SIPA1L3: variants seen among roughly 807,000 people sequenced by gnomAD.
SIPA1L3 encodes the protein signal induced proliferation associated 1 like 3.
SIPA1L3 carries 59 observed loss-of-function variants against 150.1 expected under a neutral mutation model. The observed-to-expected ratio is 0.39, with a 90% CI of 0.32 to 0.49. The LOEUF (loss-of-function observed/expected upper bound fraction) is 0.49, where lower values mean the gene tolerates loss of function less well. Among genes scored for constraint, SIPA1L3 ranks in the 20% least tolerant of loss-of-function variants. The pLI, the probability that SIPA1L3 is intolerant of heterozygous loss-of-function variation, is 0.86. For missense variants in SIPA1L3, 2,211 were observed against 2,489.5 expected (o/e 0.89, Z 2.38); for synonymous variants, 1,070 against 1,077.6 (o/e 0.99, Z 0.14).
chr19:38,098,642 G>A lies in SIPA1L3; in HGVS notation c.1666-1320G>A, dbSNP rs144566059. Among the ~76,000 whole-genome samples, 422 of 152,078 alleles carry A rather than the reference G, an allele frequency of 2.8e-3. 2 individuals carry two copies. The highest frequency in any genetic ancestry group is 9.7e-3 in the African/African-American group (404 of 41,486). ...ACTCCTGACCTCAAGTGGTCCGCCC[G>A]CCTCGGCCTCCCAAAGGGGGCTTTC... On this transcript the variant is annotated intron_variant, in intron 4 of 21. Transcript: ENST00000222345.
At chr19:38,185,342 T>G (rs574005719) in intron 16 of SIPA1L3, 1 of 152,224 alleles carries the variant, frequency 6.6e-6, no homozygotes, top group Non-Finnish European at 1.5e-5. Flanking sequence ...GTAGATACTA[T>G]AAGGCCCCCA....
intron 7 of SIPA1L3, among the ~76,000 whole-genome samples, chr19:38,109,102 CAGG>C (rs879304010): frequency 1.1e-4 from 16 of 152,162 alleles, no homozygotes; most frequent in Non-Finnish European, 1.8e-4. Context: ...GACTGACCAG[CAGG>C]GGAGAGGTGT....
At chr19:38,094,480 A>G (rs1970332785) in intron 4 of SIPA1L3, among the ~76,000 whole-genome samples, 1 of 152,122 alleles carries the variant, frequency 6.6e-6, no homozygotes, top group African/African-American at 2.4e-5. Context: ...TGAACTCCTG[A>G]GCTCAGGTGA....
chr19:38,019,165 C>T (rs1195806121), intron 1 of SIPA1L3, among the ~76,000 whole-genome samples: 1 of 152,302 alleles, frequency 6.6e-6, no homozygotes, highest in African/African-American at 2.4e-5. Context: ...GTAACAGACA[C>T]CAGAAATAAC....
chr19:38,115,555 G>C (rs988715565), intron 8 of SIPA1L3, among the ~76,000 whole-genome samples: 3 of 152,172 alleles, frequency 2.0e-5, no homozygotes, highest in African/African-American at 4.8e-5. Flanking sequence ...CCAGGGCCCC[G>C]TGTGGCCTTG....
At chr19:37,938,582 G>T (rs1167148443) in intron 1 of SIPA1L3, among the ~76,000 whole-genome samples, 1 of 150,466 alleles carries the variant, frequency 6.6e-6, no homozygotes, top group South Asian at 2.1e-4. Flanking sequence ...TCTGGATATT[G>T]CTTGCTCATC....
chr19:38,037,677 C>T (rs533192455), intron 2 of SIPA1L3, among the ~76,000 whole-genome samples: 10 of 152,176 alleles, frequency 6.6e-5, no homozygotes, highest in South Asian at 4.1e-4. Context: ...ATTCGAGGAG[C>T]GGGACACAGG....
intron 4 of SIPA1L3, among the ~76,000 whole-genome samples, chr19:38,094,499 C>A: frequency 6.6e-6 from 1 of 152,148 alleles, no homozygotes; most frequent in East Asian, 1.9e-4. Context: ...GACCCTCCTC[C>A]TTTGGCTTCC....
intron 1 of SIPA1L3, among the ~76,000 whole-genome samples, chr19:37,993,680 C>T (rs940634572): frequency 2.0e-5 from 3 of 152,222 alleles, no homozygotes; most frequent in Admixed American, 6.5e-5. Context: ...AGCTAGCATT[C>T]GAGCCTTTGT....
At chr19:38,002,415 A>T (rs1457194829) in intron 1 of SIPA1L3, among the ~76,000 whole-genome samples, 1 of 152,110 alleles carries the variant, frequency 6.6e-6, no homozygotes, top group Non-Finnish European at 1.5e-5. Context: ...TTCATATTTA[A>T]GGCTAAATAA....
At chr19:37,986,358 A>T (rs934877108) in intron 1 of SIPA1L3, among the ~76,000 whole-genome samples, 2 of 152,228 alleles carry the variant, frequency 1.3e-5, no homozygotes, top group African/African-American at 4.8e-5. Context: ...TCGAGGTGAG[A>T]TGGCTTTCTC....
At chr19:38,055,522 C>T (rs960033790) in intron 2 of SIPA1L3, among the ~76,000 whole-genome samples, 1 of 152,258 alleles carries the variant, frequency 6.6e-6, no homozygotes, top group African/African-American at 2.4e-5. Flanking sequence ...TTCCCTCACA[C>T]TGGCCATAAT....
chr19:38,106,048 AT>A (rs2145869032), intron 6 of SIPA1L3, among the ~76,000 whole-genome samples: 1 of 152,038 alleles, frequency 6.6e-6, no homozygotes, highest in South Asian at 2.1e-4. Flanking sequence ...AGACTTTTTA[AT>A]TTTTACCAGT....
intron 19 of SIPA1L3, 128 bp downstream of exon 19, chr19:38,198,660 T>G (rs1973020631): frequency 2.1e-6 from 2 of 937,408 alleles, no homozygotes; most frequent in Non-Finnish European, 1.4e-6. Context: ...AGGGTTCAAG[T>G]CCTGCCCCGT....
chr19:38,053,561 T>A (rs1258593611), intron 2 of SIPA1L3, among the ~76,000 whole-genome samples: 1 of 144,470 alleles, frequency 6.9e-6, no homozygotes, highest in Admixed American at 6.9e-5. Flanking sequence ...AAGGAGGTAC[T>A]TTTTTTTTTT....
intron 2 of SIPA1L3, among the ~76,000 whole-genome samples, chr19:38,071,138 G>A (rs887289896): frequency 2.6e-5 from 4 of 152,130 alleles, no homozygotes; most frequent in African/African-American, 9.7e-5. Context: ...CCCCAACTGA[G>A]CCAGTGCTCC....
chr19:38,077,609 C>T (rs1303891690), intron 2 of SIPA1L3, among the ~76,000 whole-genome samples: 10 of 150,030 alleles, frequency 6.7e-5, no homozygotes, highest in Non-Finnish European at 1.0e-4. Context: ...ATCATCTCTG[C>T]ATGATAGTTT....
At chr19:37,990,148 C>A (rs1967468003) in intron 1 of SIPA1L3, among the ~76,000 whole-genome samples, 1 of 152,026 alleles carries the variant, frequency 6.6e-6, no homozygotes, top group African/African-American at 2.4e-5. Flanking sequence ...CCGCATGCCT[C>A]TTCTGGTTGC....
In SIPA1L3 at chr19:38,079,799, AC is replaced by A. The variant is rs151003715; in HGVS notation, c.-310-1454del. Among the ~76,000 whole-genome samples the A allele has an allele frequency of 4.1e-3, 618 of 152,054 alleles. 29 individuals carry two copies. In the East Asian group the frequency reaches 0.11, roughly 26 times the overall value. ...TTGAGCTGCTGGGCTCAAGTGATCC[AC>A]CCGCCTTGGCCTCCCAAAGTGCTGG... On this transcript the variant is annotated intron_variant, in intron 2 of 21. Transcript: ENST00000222345.
Sources: allele counts gnomAD v4.1 joint callset (sites outside exome capture counted in the v4.1 genomes callset), GRCh38; gene constraint gnomAD v4.1.1; transcripts MANE v1.5; gene names NCBI Gene and HGNC (gene_info 2026-07-23, HGNC 2026-07-21).